Variants in HEATR4 observed in about 807,000 individuals in gnomAD.
HEATR4 encodes HEAT repeat containing 4.
A neutral mutation model predicts 108.8 loss-of-function variants in HEATR4; 95 were observed. The ratio of observed to expected loss-of-function variants is 0.87; its 90% CI spans 0.74 to 1.04. The LOEUF is 1.04. HEATR4 is among the 50% of genes least tolerant of loss of function. The pLI, the probability that HEATR4 is intolerant of heterozygous loss-of-function variation, is 0.00. For missense variants in HEATR4, 1,152 were observed against 1,253.8 expected (o/e 0.92, Z 1.23); for synonymous variants, 443 against 459.4 (o/e 0.96, Z 0.46).
At chr14:73,511,876 G>A in intron 7 of HEATR4, 130 bp downstream of exon 7, 1 of 1,026,304 alleles carries the variant, frequency 9.7e-7, no homozygotes, top group Non-Finnish European at 1.5e-6. Flanking sequence ...GTATATATAG[G>A]CCAGTCTCTA....
chr14:73,521,706 T>A (rs1459086030), intron 3 of HEATR4, among the ~76,000 whole-genome samples: 1 of 152,226 alleles, frequency 6.6e-6, no homozygotes, highest in Non-Finnish European at 1.5e-5. Flanking sequence ...TCAGGTTGTC[T>A]GGTTCTCTGT....
chr14:73,481,141 C>T (rs764297587), intron 17 of HEATR4, among the ~76,000 whole-genome samples: 2 of 152,062 alleles, frequency 1.3e-5, no homozygotes, highest in African/African-American at 2.4e-5. Flanking sequence ...ACATGAACCT[C>T]TTCAAATGTG....
chr14:73,619,863 CATTAATAAAAATCCT>C, the HEATR4 span: 2 of 1,534,960 alleles, frequency 1.3e-6, no homozygotes, highest in Admixed American at 4.4e-5. Flanking sequence ...GACCAGATAC[CATTAATAAAAATCCT>C]ATTCATACAA....
the HEATR4 span, among the ~76,000 whole-genome samples, chr14:73,587,742 T>C: frequency 6.6e-6 from 1 of 152,216 alleles, no homozygotes; most frequent in Non-Finnish European, 1.5e-5. Flanking sequence ...TGGATTTAAT[T>C]TATCTCCCCT....
At chr14:73,491,501 G>C (rs546566336) in intron 17 of HEATR4, 3 of 1,511,954 alleles carry the variant, frequency 2.0e-6, no homozygotes, top group Non-Finnish European at 2.6e-6. Context: ...CCAGTCGTCC[G>C]GGGCCCCTGC....
the HEATR4 span, among the ~76,000 whole-genome samples, chr14:73,629,790 A>G: frequency 1.6e-4 from 24 of 151,698 alleles, no homozygotes; most frequent in East Asian, 9.7e-4. Context: ...GACTACAGGC[A>G]CCCGCCACCA....
Position 73,557,979 on chromosome 14 carries a change from T to C in HEATR4, c.-152+772A>G, listed in dbSNP as rs1199881136. 6.7e-5 allele frequency among the ~76,000 whole-genome samples: 6 copies of C among 90,164 alleles called. 3 individuals carry two copies. The highest frequency in any genetic ancestry group is 2.5e-4 in the African/African-American group (6 of 24,298). 59.2% of individuals were successfully genotyped at this position (90,164 alleles called of 152,430 possible). On this transcript the variant is annotated intron_variant, in intron 1 of 17. Transcript: ENST00000553558. ...AGAAATGCTGGGACTATGCCTGGAATAGATATGGGTAAAGAACCTTTTACA... is the reference window on the plus strand; with the variant it reads ...AGAAATGCTGGGACTATGCCTGGAACAGATATGGGTAAAGAACCTTTTACA...
At chr14:73,497,201 C>G (rs1274626129) in intron 14 of HEATR4, among the ~76,000 whole-genome samples, 1 of 150,812 alleles carries the variant, frequency 6.6e-6, no homozygotes, top group Non-Finnish European at 1.5e-5. Flanking sequence ...CGGCCATGCC[C>G]GTCTAATTTT....
At chr14:73,598,276 G>C in the HEATR4 span, among the ~76,000 whole-genome samples, 1 of 145,034 alleles carries the variant, frequency 6.9e-6, no homozygotes, top group Middle Eastern at 3.7e-3. Flanking sequence ...TGTAGTCCCA[G>C]CTACTTGGGA....
chr14:73,610,448 G>A, the HEATR4 span, among the ~76,000 whole-genome samples: 4 of 151,920 alleles, frequency 2.6e-5, no homozygotes, highest in Non-Finnish European at 4.4e-5. Flanking sequence ...GTGCTGCCAC[G>A]TTCAGCTAAT....
intron 17 of HEATR4, among the ~76,000 whole-genome samples, chr14:73,481,482 C>T (rs562821626): frequency 2.0e-5 from 3 of 151,784 alleles, no homozygotes; most frequent in Admixed American, 6.6e-5. Flanking sequence ...AGAAGGCAGC[C>T]GGAAAAGGCA....
the HEATR4 span, among the ~76,000 whole-genome samples, chr14:73,589,274 C>T: frequency 2.0e-5 from 3 of 152,098 alleles, no homozygotes; most frequent in African/African-American, 7.2e-5. Flanking sequence ...GATCTTTTTA[C>T]TATCTCCAAT....
chr14:73,513,229 C>T (rs1302531982), intron 6 of HEATR4, among the ~76,000 whole-genome samples: 1 of 152,158 alleles, frequency 6.6e-6, no homozygotes, highest in African/African-American at 2.4e-5. Flanking sequence ...GAGGCCAAGG[C>T]GGGGAGATCA....
intron 11 of HEATR4, among the ~76,000 whole-genome samples, chr14:73,501,148 T>C (rs1382113661): frequency 6.6e-6 from 1 of 152,228 alleles, no homozygotes; most frequent in Non-Finnish European, 1.5e-5. Context: ...AGATGGAGTC[T>C]CGCTCTGTTG....
chr14:73,506,728 A>G (rs1474829539), intron 9 of HEATR4, among the ~76,000 whole-genome samples, 157 bp from the exon 10 acceptor site: 1 of 151,784 alleles, frequency 6.6e-6, no homozygotes, highest in South Asian at 2.1e-4. Flanking sequence ...TGACTCTGGG[A>G]TCATAAATTG....
In HEATR4 at chr14:73,522,800, C is replaced by G; in HGVS notation, c.353G>C (p.Ser118Thr). The change falls in exon 3 of 18, where the codon AGC (serine) becomes ACC (threonine). Residue 118 changes from serine (S) to threonine (T), a missense_variant. Ser to Thr is a moderately conservative substitution (Grantham distance 58, BLOSUM62 1). Coordinates refer to ENST00000553558, the MANE Select transcript of HEATR4 (RefSeq NM_001220484.1). ...ACTTGAGGAACCCAGGAACTTGAAG[C>G]TAACAGGTTTCTGAGGCCGGGCCTT... ...IRKARPQKPV[S>T]FKFLGSSSPL... 6.2e-7 allele frequency: 1 copy of G among 1,614,166 alleles called. No individual in the cohort carries two copies. Among genetic ancestry groups the G allele is most frequent in the Non-Finnish European group, 8.5e-7 (1 of 1,180,026 alleles).
intron 17 of HEATR4, among the ~76,000 whole-genome samples, chr14:73,482,223 T>C (rs1253285517): frequency 1.3e-5 from 2 of 151,878 alleles, no homozygotes; most frequent in African/African-American, 2.4e-5. Flanking sequence ...CAGTCTCTAC[T>C]AAAAATACAA....
In HEATR4 at chr14:73,538,850, C is replaced by T. The variant is rs1888974849; in HGVS notation, c.-151-8606G>A. Among the ~76,000 whole-genome samples the T allele has an allele frequency of 1.8e-5, 2 of 112,106 alleles. 1 individual carries two copies. Among genetic ancestry groups the T allele is most frequent in the African/African-American group, 5.8e-5 (2 of 34,342 alleles). The allele number at this position is 112,106 out of a possible 152,430, so 73.5% of individuals were successfully genotyped here. A position where few individuals can be genotyped will look rare whatever the true frequency, so the allele number is the denominator to read the frequency against. ...AGGTGAGGTGGTGCACACCTGTAGTCCCACCTACTCGGGAGTCTGAGGCAG... is the reference window on the plus strand; with the variant it reads ...AGGTGAGGTGGTGCACACCTGTAGTTCCACCTACTCGGGAGTCTGAGGCAG... On this transcript the variant is annotated intron_variant, in intron 1 of 17. Coordinates refer to ENST00000553558, the MANE Select transcript of HEATR4 (RefSeq NM_001220484.1).
chr14:73,498,439 T>TATTG, intron 13 of HEATR4, 95 bp from the exon 14 acceptor site: 2 of 1,055,492 alleles, frequency 1.9e-6, no homozygotes, highest in Non-Finnish European at 2.7e-6. Context: ...ATACCTTCCC[T>TATTG]TTTGGATGGT....
Sources: allele counts gnomAD v4.1 joint callset (sites outside exome capture counted in the v4.1 genomes callset), GRCh38; gene constraint gnomAD v4.1.1; transcripts MANE v1.5; gene names NCBI Gene and HGNC (gene_info 2026-07-23, HGNC 2026-07-21).